The following ADGRE5 variants were observed in gnomAD, a reference collection of about 807,000 sequenced individuals.
ADGRE5 encodes the protein adhesion G protein-coupled receptor E5, also known as CD97 molecule.
Under a neutral mutation model 100.3 loss-of-function variants are expected in ADGRE5, and 72 were observed. That is an observed-to-expected ratio of 0.72 (90% CI 0.59 to 0.87). ADGRE5 has a LOEUF of 0.87. Ranked by LOEUF, ADGRE5 falls within the 40% of genes least tolerant of loss-of-function variation. The probability of loss-of-function intolerance (pLI) is 0.00; values close to 1 mark genes in which losing one functional copy is unlikely to be tolerated. For missense variants in ADGRE5, 959 were observed against 1,094.7 expected (o/e 0.88, Z 1.75); for synonymous variants, 439 against 447.8 (o/e 0.98, Z 0.25).
At chr19:14,407,319 G>A in intron 18 of ADGRE5, 90 bp downstream of exon 18, 1 of 1,445,692 alleles carries the variant, frequency 6.9e-7, no homozygotes, top group Non-Finnish European at 9.6e-7. Context: ...CCAGAAGTTG[G>A]AGACCAGCCT....
rs3826759 is a variant in ADGRE5 at position 14,394,927 on chromosome 19, G to T, written c.347-1415G>T. Among the ~76,000 whole-genome samples, 3 of 152,018 alleles carry T rather than the reference G, an allele frequency of 2.0e-5. No individual in the cohort carries two copies. The South Asian group carries it at 6.2e-4, about 32-fold the overall frequency. ...ACCCTAACCCACCCTGGTAATTCCT[G>T]GGCCTGAACGCACCGTCAATGACCA... is the stretch of plus-strand genomic sequence containing the variant. On this transcript the variant is annotated intron_variant, in intron 4 of 19. Coordinates refer to ENST00000242786, the MANE Select transcript of ADGRE5 (RefSeq NM_078481.4).
At position 14,381,485 on chromosome 19, in the gene ADGRE5, T is replaced by C. The variant is rs115061086; in HGVS notation, c.-39T>C. 9 of 1,609,754 alleles carry C rather than the reference T, an allele frequency of 5.6e-6. No individual in the cohort carries two copies. The highest frequency in any genetic ancestry group is 6.8e-6 in the Non-Finnish European group (8 of 1,178,110). On this transcript the variant is annotated 5_prime_UTR_variant, in exon 1 of 20. Transcript: ENST00000242786. ...TGGAGACGGGACAGCCCTGTCCCAC[T>C]CACTCTTTCCCCTGCCGCTCCTGCC...
chr19:14,407,781 G>A (rs1976332743), intron 18 of ADGRE5, 127 bp from the exon 19 acceptor site: 2 of 740,682 alleles, frequency 2.7e-6, no homozygotes, highest in Admixed American at 2.3e-5. Context: ...GGTGACAGGG[G>A]GACCCGATCT....
chr19:14,402,073 G>A (rs1345382795), intron 11 of ADGRE5, among the ~76,000 whole-genome samples: 1 of 151,820 alleles, frequency 6.6e-6, no homozygotes, highest in African/African-American at 2.4e-5. Context: ...CAAGGCTGCT[G>A]TGAGCTATGA....
In ADGRE5 at chr19:14,398,444, C is replaced by T. The variant is rs192289957; in HGVS notation, c.897+305C>T. On this transcript the variant is annotated intron_variant, in intron 9 of 19. Coordinates refer to ENST00000242786, the MANE Select transcript of ADGRE5 (RefSeq NM_078481.4). ...CAGCACTTTGGAAGGCCGAGGTGGG[C>T]AGATCACGCGGTCAGGAGATCGAGA... The T allele has an allele frequency of 1.1e-4, 38 of 337,150 alleles. No homozygotes were observed. In the Admixed American group the frequency reaches 1.6e-3, roughly 14 times the overall value. The allele number at this position is 337,150 out of a possible 1,614,324, so 20.9% of individuals were successfully genotyped here.
Position 14,391,261 on chromosome 19 carries a change from G to C in ADGRE5, c.346+182G>C, listed in dbSNP as rs1975592846. The C allele has an allele frequency of 5.2e-6, 4 of 764,210 alleles. No individual in the cohort carries two copies. The East Asian group carries it at 1.1e-4, about 21-fold the overall frequency. The allele number at this position is 764,210 out of a possible 1,614,324, so 47.3% of individuals were successfully genotyped here. On this transcript the variant is annotated intron_variant, in intron 4 of 19. Transcript: ENST00000242786. Reference sequence around the variant, plus strand: ...AGAGGCAGAGTGATGTGAGGATTAAGGGCTGACTCTGGGACCAGCTGCCTG... The same window carrying C: ...AGAGGCAGAGTGATGTGAGGATTAACGGCTGACTCTGGGACCAGCTGCCTG...
At chr19:14,384,384 C>G (rs1338174174) in intron 1 of ADGRE5, among the ~76,000 whole-genome samples, 1 of 152,166 alleles carries the variant, frequency 6.6e-6, no homozygotes, top group African/African-American at 2.4e-5. Context: ...CCCAAAATTC[C>G]CCTGGAAGCC....
Position 14,397,066 on chromosome 19 carries a change from T to C in ADGRE5, c.479-11T>C, listed in dbSNP as rs2146362216. On this transcript the variant is annotated splice_polypyrimidine_tract_variant and intron_variant, in intron 5 of 19. Transcript: ENST00000242786. Reference sequence around the variant, plus strand: ...CAGGGACAGGGTTTGACCCTCTGGCTTTGTCCTCAGATGTGAATGAATGCA... The same window carrying C: ...CAGGGACAGGGTTTGACCCTCTGGCCTTGTCCTCAGATGTGAATGAATGCA... 1.2e-6 allele frequency: 2 copies of C among 1,611,792 alleles called. No homozygotes were observed. Among genetic ancestry groups the C allele is most frequent in the South Asian group, 2.2e-5 (2 of 90,798 alleles).
At chr19:14,389,533 G>C (rs564831814) in intron 3 of ADGRE5, among the ~76,000 whole-genome samples, 27 of 151,152 alleles carry the variant, frequency 1.8e-4, no homozygotes, top group Admixed American at 4.0e-4. Flanking sequence ...GGGAATTCGA[G>C]ACTAGCCTGG....
Position 14,381,477 on chromosome 19 carries a change from T to A in ADGRE5, c.-47T>A. The A allele has an allele frequency of 4.3e-6, 7 of 1,609,642 alleles. No homozygotes were observed. The highest frequency in any genetic ancestry group is 5.9e-6 in the Non-Finnish European group (7 of 1,178,096). On this transcript the variant is annotated 5_prime_UTR_variant, in exon 1 of 20. Coordinates refer to ENST00000242786, the MANE Select transcript of ADGRE5 (RefSeq NM_078481.4). ...CTAGCCTGTGGAGACGGGACAGCCC[T>A]GTCCCACTCACTCTTTCCCCTGCCG...
chr19:14,404,617 C>T, intron 13 of ADGRE5, 55 bp downstream of exon 13: 1 of 1,528,946 alleles, frequency 6.5e-7, no homozygotes, highest in African/African-American at 1.4e-5. Context: ...CCAGCTGCAA[C>T]CAGACAGGCA....
rs570680458 is a variant in ADGRE5 at position 14,401,237 on chromosome 19, C to T, written c.898-149C>T. On this transcript the variant is annotated intron_variant, in intron 9 of 19. Transcript: ENST00000242786. This position sits in a 1 kb window ranked among gnomAD's most constrained non-coding sequence, Gnocchi z 4.1. ...GCATGCAGGCAAATACTCAATCCGT[C>T]GCTTGTTTTCTGGTTACTGCATCAT... 22 of 658,238 alleles carry T rather than the reference C, an allele frequency of 3.3e-5. No individual in the cohort carries two copies. The South Asian group carries it at 3.7e-4, about 11-fold the overall frequency. 40.8% of individuals were successfully genotyped at this position (658,238 alleles called of 1,614,324 possible). A position where few individuals can be genotyped will look rare whatever the true frequency, so the allele number is the denominator to read the frequency against.
chr19:14,406,190 G>GA lies in ADGRE5; in HGVS notation c.1822-138dup. On this transcript the variant is annotated intron_variant, in intron 14 of 19. Transcript: ENST00000242786. The surrounding 1 kb of genome is among the most constrained non-coding windows in gnomAD (Gnocchi z 6.0). The stretch of plus-strand genomic sequence containing the variant: ...CGTTGTTGGGGGTGGGCCCTGGGGG[G>GA]AAACCTGGCCCCCGCTCCAGACCCG... The GA allele has an allele frequency of 1.3e-6, 1 of 756,040 alleles. No individual in the cohort carries two copies. The highest frequency in any genetic ancestry group is 2.1e-6 in the Non-Finnish European group (1 of 480,142). The allele number at this position is 756,040 out of a possible 1,614,324, so 46.8% of individuals were successfully genotyped here. A position where few individuals can be genotyped will look rare whatever the true frequency, so the allele number is the denominator to read the frequency against.
At chr19:14,405,600 A>G in intron 13 of ADGRE5, 148 bp from the exon 14 acceptor site, 1 of 635,278 alleles carries the variant, frequency 1.6e-6, no homozygotes, top group East Asian at 2.8e-5. Flanking sequence ...CTCCCCTTCC[A>G]GCTGGTAAGT....
At chr19:14,402,567 G>T in intron 11 of ADGRE5, 30 bp from the exon 12 acceptor site, 1 of 1,612,514 alleles carries the variant, frequency 6.2e-7, no homozygotes, top group Non-Finnish European at 8.5e-7. Flanking sequence ...AGGACAACGG[G>T]AGTAGGCAGC....
Position 14,407,936 on chromosome 19 carries a change from G to A in ADGRE5, c.2405G>A (p.Cys802Tyr), listed in dbSNP as rs150566715. 8 of 1,614,158 alleles carry A rather than the reference G, an allele frequency of 5.0e-6. No individual in the cohort carries two copies. The highest frequency in any genetic ancestry group is 6.8e-6 in the Non-Finnish European group (8 of 1,180,030). ...CGGGAAGAATACCGGAAGTGGGCCT[G>A]CCTAGTTGCTGGGGGGAGCAAGTAC... ...KVREEYRKWA[C>Y]LVAGGSKYSE... The change falls in exon 19 of 20, where the codon TGC becomes TAC. Residue 802 changes from cysteine (C) to tyrosine (Y), a missense_variant. Physicochemically the swap from Cys to Tyr is radical, Grantham distance 194. This residue lies in a region of ADGRE5 where 428 missense variants were observed against 386.2 expected (regional missense o/e 1.11). Coordinates refer to ENST00000242786, the MANE Select transcript of ADGRE5 (RefSeq NM_078481.4).
chr19:14,398,133 C>T lies in ADGRE5; in HGVS notation c.891C>T (p.Thr297=). The T allele has an allele frequency of 6.2e-7, 1 of 1,614,118 alleles. No homozygotes were observed. Among genetic ancestry groups the T allele is most frequent in the Non-Finnish European group, 8.5e-7 (1 of 1,179,966 alleles). The change falls in exon 9 of 20, where the codon ACC becomes ACT. Residue 297 remains threonine, a synonymous_variant. Transcript: ENST00000242786. ...RDSKTSSAEV[T]IQNVIKLVDE... ...CCAAGACAAGCTCAGCCGAGGTCAC[C>T]ATCCAGGTAAGGGCAGGATGCTGGG...
At chr19:14,391,875 ATCACAAC>A (rs1975612743) in intron 4 of ADGRE5, among the ~76,000 whole-genome samples, 4 of 152,032 alleles carry the variant, frequency 2.6e-5, no homozygotes, top group African/African-American at 7.2e-5. Flanking sequence ...AGGTGGGTGG[ATCACAAC>A]GTCAGGAGTT....
intron 4 of ADGRE5, chr19:14,391,381 G>A (rs1176419792): frequency 5.4e-6 from 2 of 372,678 alleles, no homozygotes; most frequent in East Asian, 1.0e-4. Flanking sequence ...TATCATGCTT[G>A]TAATTCCAGT....
Sources: gnomAD v4.1 joint callset for allele counts (sites outside exome capture counted in the v4.1 genomes callset) on GRCh38, gnomAD v4.1.1 for gene constraint, gnomAD v4.1.1 regional missense constraint, Gnocchi (gnomAD v3.1) non-coding constraint, MANE v1.5 for transcripts, NCBI Gene and HGNC (gene_info 2026-07-23, HGNC 2026-07-21) for gene names.